Variants in DPP6 observed in about 807,000 individuals in gnomAD.
The protein encoded by DPP6 is dipeptidyl peptidase like 6, also known as A-type potassium channel modulatory protein DPP6.
In DPP6, 69 loss-of-function variants were observed where a neutral mutation model predicts 122.6. The ratio of observed to expected loss-of-function variants is 0.56; its 90% CI spans 0.46 to 0.69. DPP6 has a LOEUF of 0.69. Among genes scored for constraint, DPP6 ranks in the 30% least tolerant of loss-of-function variants. DPP6 has a pLI of 0.00. For missense variants in DPP6, 928 were observed against 1,116.9 expected (o/e 0.83, Z 2.41); for synonymous variants, 418 against 433.1 (o/e 0.97, Z 0.43).
chr7:153,984,231 T>G (rs544519617), intron 1 of DPP6, among the ~76,000 whole-genome samples: 3 of 152,204 alleles, frequency 2.0e-5, no homozygotes, highest in Non-Finnish European at 4.4e-5. Flanking sequence ...TTTCTCCTTA[T>G]GTCTGTGATT....
chr7:154,892,396 C>G lies in DPP6; in HGVS notation c.2514C>G (p.Ser838=). 1 of 1,614,042 alleles carries G rather than the reference C, an allele frequency of 6.2e-7. No individual in the cohort carries two copies. The highest frequency in any genetic ancestry group is 8.5e-7 in the Non-Finnish European group (1 of 1,179,890). The change falls in exon 26 of 26, where the codon TCC becomes TCG. Residue 838 remains serine (S), a synonymous_variant. Coordinates refer to ENST00000377770, the MANE Select transcript of DPP6 (RefSeq NM_130797.4). ...SSSLKQHLYR[S]IINFFVECFR... is the part of the protein sequence containing the mutation. ...GCCTCAAACAGCATCTGTACCGGTC[C>G]ATCATCAACTTCTTCGTGGAATGCT...
intron 10 of DPP6, among the ~76,000 whole-genome samples, chr7:154,784,764 G>A (rs935892872): frequency 1.3e-5 from 2 of 152,172 alleles, no homozygotes; most frequent in Non-Finnish European, 2.9e-5. Flanking sequence ...CAGATTCTGT[G>A]TGTCCTATCA....
intron 17 of DPP6, among the ~76,000 whole-genome samples, chr7:154,861,915 C>A (rs1803437560): frequency 6.6e-6 from 1 of 152,166 alleles, no homozygotes; most frequent in Non-Finnish European, 1.5e-5. Context: ...CTTGTTATAG[C>A]AGTGCCATTT....
intron 10 of DPP6, among the ~76,000 whole-genome samples, chr7:154,787,743 T>C (rs1407975048): frequency 6.6e-6 from 1 of 152,230 alleles, no homozygotes; most frequent in Non-Finnish European, 1.5e-5. Context: ...AAGGTGGGTA[T>C]GGTCTCTGCC....
intron 1 of DPP6, among the ~76,000 whole-genome samples, chr7:154,345,008 C>T (rs564746808): frequency 2.0e-5 from 3 of 152,226 alleles, no homozygotes; most frequent in African/African-American, 4.8e-5. Context: ...ATCATGTGAC[C>T]GCTCGGCAAA....
chr7:154,193,046 G>A (rs940060812), intron 1 of DPP6, among the ~76,000 whole-genome samples: 1 of 152,236 alleles, frequency 6.6e-6, no homozygotes, highest in Non-Finnish European at 1.5e-5. Flanking sequence ...GGTAAGCAAA[G>A]CCTGAGGTTC....
intron 8 of DPP6, among the ~76,000 whole-genome samples, chr7:154,768,151 A>G (rs1796022551): frequency 6.6e-6 from 1 of 152,172 alleles, no homozygotes; most frequent in Admixed American, 6.5e-5. Context: ...GCCACCATGG[A>G]TGACACTGAC....
intron 17 of DPP6, among the ~76,000 whole-genome samples, chr7:154,859,244 G>A (rs1270451319): frequency 1.3e-5 from 2 of 152,254 alleles, no homozygotes; most frequent in Admixed American, 6.5e-5. Flanking sequence ...TGAACAGTGT[G>A]CAAAGCAGCA....
chr7:153,993,810 A>G (rs569541032), intron 1 of DPP6, among the ~76,000 whole-genome samples: 2 of 152,348 alleles, frequency 1.3e-5, no homozygotes, highest in South Asian at 4.1e-4. Flanking sequence ...AGTAGACCAC[A>G]GTTAATACGC....
At chr7:154,439,683 C>CTG (rs1554549965) in intron 1 of DPP6, among the ~76,000 whole-genome samples, 46 of 152,058 alleles carry the variant, frequency 3.0e-4, no homozygotes, top group African/African-American at 9.4e-4. Context: ...AATAATTTGC[C>CTG]TGTTTGTTTT....
rs184363030 is a variant in DPP6, at chr7:154,538,258, C to T, written c.458-2274C>T. Among the ~76,000 whole-genome samples the T allele has an allele frequency of 1.4e-4, 22 of 152,122 alleles. No homozygotes were observed. In the East Asian group the frequency reaches 1.9e-3, roughly 13 times the overall value. The stretch of plus-strand genomic sequence containing the variant: ...ATGTATTTATTTATTTTATTAAGTT[C>T]CGGGATACATGTGCAGGATGTGCAG... On this transcript the variant is annotated intron_variant, in intron 3 of 25. Coordinates refer to ENST00000377770, the MANE Select transcript of DPP6 (RefSeq NM_130797.4).
chr7:154,609,341 A>G (rs747603839), intron 5 of DPP6, among the ~76,000 whole-genome samples: 3 of 152,182 alleles, frequency 2.0e-5, no homozygotes, highest in Non-Finnish European at 4.4e-5. Flanking sequence ...ACTTTCTTAC[A>G]CATTTTCAGA....
chr7:154,295,976 T>G (rs551995962), intron 1 of DPP6, among the ~76,000 whole-genome samples: 10 of 147,156 alleles, frequency 6.8e-5, no homozygotes, highest in South Asian at 4.5e-4. Flanking sequence ...ACAGAGTCTC[T>G]CTCTGTCACC....
intron 1 of DPP6, among the ~76,000 whole-genome samples, chr7:153,966,554 CTTTTTTTTT>C (rs753840054): frequency 0.036 from 1,461 of 41,078 alleles, 40 homozygotes; most frequent in East Asian, 0.071. Flanking sequence ...CCTGTGTTGG[CTTTTTTTTT>C]TTTTTTTTTT....
chr7:153,974,936 A>T (rs995303928), intron 1 of DPP6, among the ~76,000 whole-genome samples: 1 of 152,190 alleles, frequency 6.6e-6, no homozygotes, highest in Non-Finnish European at 1.5e-5. Flanking sequence ...AAATGAAGCT[A>T]ATCCTTCCTA....
the DPP6 span, among the ~76,000 whole-genome samples, chr7:153,868,083 G>A: frequency 1.3e-5 from 2 of 152,102 alleles, no homozygotes; most frequent in Admixed American, 1.3e-4. Context: ...TTGCATCAAT[G>A]TTCATCAAGG....
chr7:154,363,953 A>T (rs903384949), intron 1 of DPP6, among the ~76,000 whole-genome samples: 16 of 152,186 alleles, frequency 1.1e-4, no homozygotes, highest in Non-Finnish European at 2.9e-5. Context: ...ACAAAAACAA[A>T]ACAGCAATCC....
chr7:154,153,194 C>CTTTAT (rs1435254195), intron 1 of DPP6, among the ~76,000 whole-genome samples: 1 of 152,142 alleles, frequency 6.6e-6, no homozygotes, highest in East Asian at 1.9e-4. Context: ...GTTACTTTTA[C>CTTTAT]TTTATTTTAT....
chr7:154,059,527 G>A (rs1801369466), intron 1 of DPP6: 2 of 151,024 alleles, frequency 1.3e-5, no homozygotes. Context: ...AGGGCAGAAG[G>A]CAGGTGAGAG....
Sources: gnomAD v4.1 joint callset for allele counts (sites outside exome capture counted in the v4.1 genomes callset) on GRCh38, gnomAD v4.1.1 for gene constraint, MANE v1.5 for transcripts, NCBI Gene and HGNC (gene_info 2026-07-23, HGNC 2026-07-21) for gene names.